SEMA3E: variants seen among roughly 807,000 people sequenced by gnomAD.
SEMA3E encodes the protein semaphorin-3E.
Under a neutral mutation model 93.6 loss-of-function variants are expected in SEMA3E, and 49 were observed. That is an observed-to-expected ratio of 0.52 (90% CI 0.42 to 0.66). The LOEUF is 0.66. SEMA3E is among the 30% of genes least tolerant of loss of function. The pLI is 0.00. For missense variants in SEMA3E, 906 were observed against 964.8 expected (o/e 0.94, Z 0.81); for synonymous variants, 363 against 330.7 (o/e 1.10, Z -1.06).
At chr7:83,600,102 A>G (rs551187525) in intron 1 of SEMA3E, among the ~76,000 whole-genome samples, 190 of 152,250 alleles carry the variant, frequency 1.2e-3, no homozygotes, top group African/African-American at 4.5e-3. Flanking sequence ...TCCTTCCATT[A>G]AATAATCCCT....
intron 3 of SEMA3E, among the ~76,000 whole-genome samples, chr7:83,467,098 T>G (rs557963041): frequency 7.5e-6 from 1 of 134,228 alleles, no homozygotes; most frequent in South Asian, 2.7e-4. Context: ...AGGGTCTCAC[T>G]CTGTTGCCCA....
chr7:83,602,485 C>CT (rs34835756), intron 1 of SEMA3E, among the ~76,000 whole-genome samples: 34,954 of 147,730 alleles, frequency 0.24, 4,306 homozygotes, highest in East Asian at 0.37. Flanking sequence ...TTTAGAAGCA[C>CT]TTTTTTTTTT....
chr7:83,440,818 A>G (rs202090731), intron 4 of SEMA3E, among the ~76,000 whole-genome samples: 1 of 143,586 alleles, frequency 7.0e-6, no homozygotes, highest in Non-Finnish European at 1.5e-5. Flanking sequence ...AAAAAAAAAA[A>G]AGACAGATAA....
intron 1 of SEMA3E, among the ~76,000 whole-genome samples, chr7:83,515,251 T>C (rs117637256): frequency 0.018 from 2,737 of 151,300 alleles, 36 homozygotes; most frequent in Non-Finnish European, 0.027. Flanking sequence ...GGTGCTTTAC[T>C]TTGTGTAGCA....
At chr7:83,521,352 A>G (rs956723708) in intron 1 of SEMA3E, among the ~76,000 whole-genome samples, 1 of 152,148 alleles carries the variant, frequency 6.6e-6, no homozygotes, top group African/African-American at 2.4e-5. Flanking sequence ...TGCACAATTT[A>G]TAACAATGAA....
intron 4 of SEMA3E, chr7:83,462,149 A>G (rs1789637050): frequency 6.6e-6 from 1 of 152,126 alleles, no homozygotes; most frequent in Non-Finnish European, 1.5e-5. Flanking sequence ...CTGCCCGATC[A>G]CCTCGGAAGC....
intron 5 of SEMA3E, among the ~76,000 whole-genome samples, chr7:83,409,705 G>A (rs773095572): frequency 2.0e-5 from 3 of 151,522 alleles, no homozygotes; most frequent in Non-Finnish European, 4.4e-5. Flanking sequence ...GCAGGTATAA[G>A]AATTTGACCA....
intron 1 of SEMA3E, among the ~76,000 whole-genome samples, chr7:83,617,723 C>G (rs1410366264): frequency 6.7e-6 from 1 of 149,902 alleles, no homozygotes. Context: ...GTTTGATGGG[C>G]TTTTTCAAGG....
At chr7:83,524,906 CATCCTGAG>C (rs748494578) in intron 1 of SEMA3E, among the ~76,000 whole-genome samples, 34 of 152,024 alleles carry the variant, frequency 2.2e-4, no homozygotes, top group Admixed American at 7.9e-4. Flanking sequence ...GTGCAGCTCT[CATCCTGAG>C]ATCTCACATC....
At position 83,400,266 on chromosome 7, in the gene SEMA3E, A is replaced by G; in HGVS notation, c.1144-16T>C. The G allele has an allele frequency of 6.2e-7, 1 of 1,610,430 alleles. No individual in the cohort carries two copies. Among genetic ancestry groups the G allele is most frequent in the Non-Finnish European group, 8.5e-7 (1 of 1,176,728 alleles). The stretch of plus-strand genomic sequence containing the variant: ...TGCTGGCACACTGAAAAACAAGTGG[A>G]TCAGATAATTCTTTTTGCTTTACAC... On this transcript the variant is annotated splice_polypyrimidine_tract_variant and intron_variant, in intron 10 of 16. Coordinates refer to ENST00000643230, the MANE Select transcript of SEMA3E (RefSeq NM_012431.3).
intron 1 of SEMA3E, among the ~76,000 whole-genome samples, chr7:83,620,722 A>G (rs920544426): frequency 1.3e-5 from 2 of 152,124 alleles, no homozygotes; most frequent in Non-Finnish European, 2.9e-5. Flanking sequence ...TTCATCACGT[A>G]AACAGAAGTA....
At chr7:83,511,985 G>A (rs188391971) in intron 1 of SEMA3E, among the ~76,000 whole-genome samples, 1 of 152,224 alleles carries the variant, frequency 6.6e-6, no homozygotes, top group Non-Finnish European at 1.5e-5. Flanking sequence ...TATTTTCTAA[G>A]AAAGAAGCAT....
intron 1 of SEMA3E, among the ~76,000 whole-genome samples, chr7:83,638,433 A>G (rs1793924521): frequency 6.6e-6 from 1 of 152,202 alleles, no homozygotes; most frequent in African/African-American, 2.4e-5. Flanking sequence ...ATGCTTTTCC[A>G]TGATCGATCC....
At chr7:83,443,625 A>C (rs1789164112) in intron 4 of SEMA3E, among the ~76,000 whole-genome samples, 1 of 152,162 alleles carries the variant, frequency 6.6e-6, no homozygotes, top group African/African-American at 2.4e-5. Flanking sequence ...TAGAAGAGGA[A>C]ACAGTCAAAG....
intron 4 of SEMA3E, among the ~76,000 whole-genome samples, chr7:83,434,977 T>C (rs1265505969): frequency 6.6e-6 from 1 of 152,116 alleles, no homozygotes; most frequent in African/African-American, 2.4e-5. Context: ...CCTCCCAAAG[T>C]GCTGGGATTA....
At position 83,648,655 on chromosome 7, in the gene SEMA3E, C is replaced by T; in HGVS notation, c.-113G>A. On this transcript the variant is annotated 5_prime_UTR_variant, in exon 1 of 17. Coordinates refer to ENST00000643230, the MANE Select transcript of SEMA3E (RefSeq NM_012431.3). ...GAGAGGCTTTGTCAGAAATCGAACG[C>T]GTTGTCATCAGAAAGCACAGTTCCG... 1.3e-6 allele frequency: 1 copy of T among 788,168 alleles called. No homozygotes were observed. 48.8% of individuals were successfully genotyped at this position (788,168 alleles called of 1,614,324 possible). A position where few individuals can be genotyped will look rare whatever the true frequency, so the allele number is the denominator to read the frequency against.
chr7:83,645,103 C>G (rs1023454089), intron 1 of SEMA3E, among the ~76,000 whole-genome samples: 4 of 151,910 alleles, frequency 2.6e-5, no homozygotes, highest in African/African-American at 9.7e-5. Flanking sequence ...TATCAAGAAG[C>G]TTATTTTTGC....
chr7:83,453,448 A>C (rs1789406660), intron 4 of SEMA3E, among the ~76,000 whole-genome samples: 1 of 151,210 alleles, frequency 6.6e-6, no homozygotes, highest in Admixed American at 6.6e-5. Flanking sequence ...TACCATTGTC[A>C]GGTAATCTCT....
At position 83,363,499 on chromosome 7, in the gene SEMA3E, GCTCTA is replaced by G. The variant is rs1322763834; in HGVS notation, c.*4082_*4086del. On this transcript the variant is annotated 3_prime_UTR_variant, in exon 17 of 17. Transcript: ENST00000643230. ...ACAGAGAAGAACACTCCCATATAGT[GCTCTA>G]GCTTATAAGTAAGCCATTTAAACAC... The G allele has an allele frequency of 2.0e-5, 3 of 151,944 alleles. No homozygotes were observed. The highest frequency in any genetic ancestry group is 1.3e-4 in the Admixed American group (2 of 15,250). 9.4% of individuals were successfully genotyped at this position (151,944 alleles called of 1,614,324 possible). A position where few individuals can be genotyped will look rare whatever the true frequency, so the allele number is the denominator to read the frequency against.
Sources: allele counts gnomAD v4.1 joint callset (sites outside exome capture counted in the v4.1 genomes callset), GRCh38; gene constraint gnomAD v4.1.1; transcripts MANE v1.5; gene names NCBI Gene and HGNC (gene_info 2026-07-23, HGNC 2026-07-21).